MRE11: variants seen among roughly 807,000 people sequenced by gnomAD.
The protein encoded by MRE11 is double-strand break repair protein MRE11.
Under a neutral mutation model 91.7 loss-of-function variants are expected in MRE11, and 62 were observed. That is an observed-to-expected ratio of 0.68 (90% CI 0.55 to 0.84). The LOEUF (loss-of-function observed/expected upper bound fraction) is 0.84. MRE11 is among the 40% of genes least tolerant of loss of function. The probability of loss-of-function intolerance (pLI) is 0.00; values close to 1 mark genes in which losing one functional copy is unlikely to be tolerated. For synonymous variants in MRE11, 273 were observed against 271.4 expected (o/e 1.01, Z -0.06); for missense variants, 796 against 852.9 (o/e 0.93, Z 0.83).
chr11:94,499,771 G>A, the MRE11 span, among the ~76,000 whole-genome samples: 1 of 152,138 alleles, frequency 6.6e-6, no homozygotes, highest in Non-Finnish European at 1.5e-5. Context: ...TCCAGGGGAA[G>A]GGAACTAAAC....
the MRE11 span, chr11:94,512,409 G>A: frequency 8.9e-7 from 1 of 1,127,328 alleles, no homozygotes; most frequent in Non-Finnish European, 1.1e-6. Flanking sequence ...TCGGAAGGCC[G>A]GCTGGGGGCG....
chr11:94,461,051 G>A lies in MRE11; in HGVS notation c.1226-15C>T, dbSNP rs541470169. 49 of 1,595,732 alleles carry A rather than the reference G, an allele frequency of 3.1e-5. No individual in the cohort carries two copies. The African/African-American group carries it at 5.9e-4, about 19-fold the overall frequency. ...GATCTCTTCTCCTAGAAAAAAAGAA[G>A]TATATCAAAAAATAGCTTCTATCAT... On this transcript the variant is annotated splice_polypyrimidine_tract_variant and intron_variant, in intron 11 of 19. Coordinates refer to ENST00000323929, the MANE Select transcript of MRE11 (RefSeq NM_005591.4).
chr11:94,491,954 A>C (rs1043639862), intron 2 of MRE11, among the ~76,000 whole-genome samples: 3 of 152,220 alleles, frequency 2.0e-5, no homozygotes, highest in Non-Finnish European at 2.9e-5. Context: ...GTATTTTCTC[A>C]TGAATTCTCT....
chr11:94,497,125 T>A (rs1016158906), upstream of MRE11: 53 of 807,246 alleles, frequency 6.6e-5, no homozygotes, highest in Non-Finnish European at 1.0e-4. Flanking sequence ...CTAGGTATTA[T>A]TTGGGGGTTT....
At chr11:94,484,489 A>G (rs1214943429) in intron 4 of MRE11, among the ~76,000 whole-genome samples, 1 of 152,206 alleles carries the variant, frequency 6.6e-6, no homozygotes, top group Non-Finnish European at 1.5e-5. Flanking sequence ...ACTTATGTCC[A>G]TCAGAAGTGG....
chr11:94,470,056 T>C (rs1224273720), intron 9 of MRE11, among the ~76,000 whole-genome samples: 1 of 152,090 alleles, frequency 6.6e-6, no homozygotes, highest in African/African-American at 2.4e-5. Context: ...TTGGGGTAGC[T>C]TTCAGGGTGA....
At chr11:94,470,321 A>T in intron 9 of MRE11, 150 bp downstream of exon 9, 1 of 776,178 alleles carries the variant, frequency 1.3e-6, no homozygotes, top group Non-Finnish European at 2.0e-6. Context: ...GGACACAATT[A>T]AACACATTCA....
rs13447699 is a variant in MRE11 at position 94,445,753 on chromosome 11, T to A, written c.1867+57A>T. ...ACAAATAAGGGCTACCAATGGTGAT[T>A]ACCTTGGTCTTTCTAATGTTGGAAT... On this transcript the variant is annotated intron_variant, in intron 16 of 19. Coordinates refer to ENST00000323929, the MANE Select transcript of MRE11 (RefSeq NM_005591.4). 3 of 1,242,782 alleles carry A rather than the reference T, an allele frequency of 2.4e-6. No individual in the cohort carries two copies. The East Asian group carries it at 7.0e-5, about 29-fold the overall frequency. The allele number at this position is 1,242,782 out of a possible 1,614,324, so 77.0% of individuals were successfully genotyped here.
intron 19 of MRE11, among the ~76,000 whole-genome samples, chr11:94,422,710 A>G (rs1035700645): frequency 6.6e-6 from 1 of 152,018 alleles, no homozygotes; most frequent in African/African-American, 2.4e-5. Flanking sequence ...AAGGTTATCA[A>G]TGAAACTATT....
upstream of MRE11, chr11:94,493,858 C>T (rs1947364058): frequency 6.6e-6 from 1 of 152,252 alleles, no homozygotes; most frequent in African/African-American, 2.4e-5. Flanking sequence ...TCTCTCGCGA[C>T]ACTTCATGGA....
intron 4 of MRE11, among the ~76,000 whole-genome samples, chr11:94,482,407 T>G (rs1361311187): frequency 6.6e-6 from 1 of 152,106 alleles, no homozygotes; most frequent in Admixed American, 6.6e-5. Flanking sequence ...CACCTAACAG[T>G]AGACTCCTCA....
the MRE11 span, among the ~76,000 whole-genome samples, chr11:94,501,641 G>T: frequency 6.6e-6 from 1 of 151,820 alleles, no homozygotes; most frequent in African/African-American, 2.4e-5. Flanking sequence ...TGAAAGCACA[G>T]ATCTACATGC....
chr11:94,488,410 C>T lies in MRE11; in HGVS notation c.154-2326G>A, dbSNP rs1156834923. 2.0e-5 allele frequency among the ~76,000 whole-genome samples: 3 copies of T among 152,246 alleles called. No homozygotes were observed. The South Asian group carries it at 6.2e-4, about 32-fold the overall frequency. ...AGCAGTGTGACGATTCTTCAAAGAG[C>T]TAAAAATGGAACTACCATTTGACCC... On this transcript the variant is annotated intron_variant, in intron 3 of 19. Transcript: ENST00000323929.
In MRE11 at chr11:94,425,482, C is replaced by T. The variant is rs535688205; in HGVS notation, c.2070+4429G>A. 8.5e-5 allele frequency among the ~76,000 whole-genome samples: 13 copies of T among 152,254 alleles called. 1 individual carries two copies. Among genetic ancestry groups the T allele is most frequent in the Admixed American group, 5.9e-4 (9 of 15,290 alleles). On this transcript the variant is annotated intron_variant, in intron 19 of 19. Coordinates refer to ENST00000323929, the MANE Select transcript of MRE11 (RefSeq NM_005591.4). ...CCAGCTAACAATACGATGGCAGGAT[C>T]GAAATCTCATATATCAATACTAACT...
intron 15 of MRE11, among the ~76,000 whole-genome samples, chr11:94,446,178 C>T (rs1182895557): frequency 1.3e-5 from 2 of 152,058 alleles, no homozygotes; most frequent in South Asian, 2.1e-4. Context: ...GAGACAGAGG[C>T]GGGAGGATCA....
intron 4 of MRE11, among the ~76,000 whole-genome samples, chr11:94,483,488 G>A (rs1417550042): frequency 2.6e-5 from 4 of 152,144 alleles, no homozygotes; most frequent in East Asian, 1.9e-4. Flanking sequence ...TAAGTCTAAA[G>A]AGATCTGATG....
rs1230516578 is a variant in MRE11 at position 94,418,136 on chromosome 11, GA to G, written c.*1988del. 8.6e-6 allele frequency: 2 copies of G among 232,808 alleles called. No homozygotes were observed. Among genetic ancestry groups the G allele is most frequent in the Non-Finnish European group, 1.7e-5 (2 of 117,950 alleles). 14.4% of individuals were successfully genotyped at this position (232,808 alleles called of 1,614,324 possible). On this transcript the variant is annotated 3_prime_UTR_variant, in exon 20 of 20. Coordinates refer to ENST00000323929, the MANE Select transcript of MRE11 (RefSeq NM_005591.4). ...AAACAAAACTCCCCTAAAACCAACAGATTTTGCAGGATCAATATAAAATATT... is the reference window on the plus strand; with the variant it reads ...AAACAAAACTCCCCTAAAACCAACAGTTTTGCAGGATCAATATAAAATATT...
At chr11:94,498,696 T>A, upstream of MRE11, 1 of 636,160 alleles carries the variant, frequency 1.6e-6, no homozygotes, top group Non-Finnish European at 2.7e-6. Flanking sequence ...CAAAATGTAT[T>A]TGAAAGTAAT....
At chr11:94,474,127 T>C (rs942338316) in intron 7 of MRE11, among the ~76,000 whole-genome samples, 2 of 152,162 alleles carry the variant, frequency 1.3e-5, no homozygotes, top group African/African-American at 4.8e-5. Context: ...AGTACGCATT[T>C]GTGGATTTCT....
Sources: allele counts gnomAD v4.1 joint callset (sites outside exome capture counted in the v4.1 genomes callset), GRCh38; gene constraint gnomAD v4.1.1; transcripts MANE v1.5; gene names NCBI Gene and HGNC (gene_info 2026-07-23, HGNC 2026-07-21).